The following NBEAL2 variants were observed in gnomAD, a reference collection of about 807,000 sequenced individuals.
The protein encoded by NBEAL2 is neurobeachin like 2.
NBEAL2 carries 160 observed loss-of-function variants against 299.8 expected under a neutral mutation model. The observed-to-expected ratio is 0.53, with a 90% CI of 0.47 to 0.61. NBEAL2 has a LOEUF of 0.61. NBEAL2 is among the 20% of genes least tolerant of loss of function. The pLI, the probability that NBEAL2 is intolerant of heterozygous loss-of-function variation, is 0.00. For synonymous variants in NBEAL2, 1,493 were observed against 1,542.3 expected, an observed-to-expected ratio of 0.97 and a Z score of 0.75; for missense variants, 3,112 against 3,649.0, an observed-to-expected ratio of 0.85 and a Z score of 3.79.
rs2036110805 is a variant in NBEAL2, at chr3:46,991,791, G to GGCT, written c.926-46_926-44dup. 6.4e-7 allele frequency: 1 copy of GGCT among 1,564,196 alleles called. No homozygotes were observed. Among genetic ancestry groups the GGCT allele is most frequent in the East Asian group, 2.4e-5 (1 of 41,856 alleles). ...GGGCAGCATAGGAAGGAAGGCTTAA[G>GGCT]GCTGCCTAGAGGGGTCTGGGCAGGG... is the stretch of plus-strand genomic sequence containing the variant. On this transcript the variant is annotated intron_variant, in intron 8 of 53. Transcript: ENST00000450053. The surrounding 1 kb of genome is among the most constrained non-coding windows in gnomAD (Gnocchi z 6.2).
In NBEAL2 at chr3:46,991,877, A is replaced by C; in HGVS notation, c.963A>C (p.Pro321=). ...IPMMLACEDR[P]VLQATFLSNN... is the part of the protein sequence containing the mutation. ...TGATGCTGGCATGTGAAGACCGGCCAGTGCTGCAAGCCACCTTCCTCAGCA... is the reference window on the plus strand; with the variant it reads ...TGATGCTGGCATGTGAAGACCGGCCCGTGCTGCAAGCCACCTTCCTCAGCA... The change falls in exon 9 of 54, where the codon CCA becomes CCC. Residue 321 remains proline, a synonymous_variant. Transcript: ENST00000450053. The surrounding 1 kb of genome is among the most constrained non-coding windows in gnomAD (Gnocchi z 6.2). 1 of 1,603,210 alleles carries C rather than the reference A, an allele frequency of 6.2e-7. No individual in the cohort carries two copies. The highest frequency in any genetic ancestry group is 1.1e-5 in the South Asian group (1 of 88,822).
At position 46,995,407 on chromosome 3, in the gene NBEAL2, G is replaced by A. The variant is rs373890544; in HGVS notation, c.1672G>A (p.Ala558Thr). ...GGAEAGKARH[A>T]GAVIRTLSGM... Reference sequence around the variant, plus strand: ...AGCTGAGGCTGGAAAGGCCCGACACGCAGGTGCTGTCATCCGCACATTATC... The same window carrying A: ...AGCTGAGGCTGGAAAGGCCCGACACACAGGTGCTGTCATCCGCACATTATC... Residue 558 changes from alanine to threonine, a missense_variant, in exon 13 of 54, where the codon GCA (alanine) becomes ACA (threonine). Ala to Thr is a moderately conservative substitution (Grantham distance 58). Transcript: ENST00000450053. The A allele has an allele frequency of 2.0e-5, 33 of 1,612,776 alleles. No individual in the cohort carries two copies. The highest frequency in any genetic ancestry group is 1.6e-4 in the African/African-American group (12 of 75,072).
At position 46,999,996 on chromosome 3, in the gene NBEAL2, C is replaced by T. The variant is rs371752213; in HGVS notation, c.3897C>T (p.Ala1299=). 3.8e-5 allele frequency: 61 copies of T among 1,612,200 alleles called. No individual in the cohort carries two copies. The highest frequency in any genetic ancestry group is 3.3e-4 in the Admixed American group (20 of 60,016). ...TRLYVLEAAT[A]GSPPPSSPES... ...TATATGTCCTGGAGGCTGCCACAGC[C>T]GGCAGCCCCCCTCCGTCTTCCCCAG... Residue 1299 remains alanine, a synonymous_variant, in exon 27 of 54, where the codon GCC becomes GCT. Coordinates refer to ENST00000450053, the MANE Select transcript of NBEAL2 (RefSeq NM_015175.3).
Position 47,005,174 on chromosome 3 carries a change from G to T in NBEAL2, c.6420-7G>T. The stretch of plus-strand genomic sequence containing the variant: ...GCTTCTGCTGACACGTCCAACTGTG[G>T]CCCCAGGTATGAAAGCTTTGAGGAC... On this transcript the variant is annotated splice_polypyrimidine_tract_variant and splice_region_variant and intron_variant, in intron 39 of 53. Transcript: ENST00000450053. The T allele has an allele frequency of 1.9e-6, 3 of 1,613,842 alleles. No individual in the cohort carries two copies. The highest frequency in any genetic ancestry group is 2.5e-6 in the Non-Finnish European group (3 of 1,179,892).
In NBEAL2 at chr3:47,006,260, A is replaced by G. The variant is rs1422104118; in HGVS notation, c.7015A>G (p.Lys2339Glu). The stretch of plus-strand genomic sequence containing the variant: ...TGGGCAGACTCCCTGTCAGCTGCTG[A>G]AGGTAAGGCCAGCTTAGAGGATAGT... Reference protein sequence around the residue: ...NFGQTPCQLLKEPHPTRLSAE... With the variant: ...NFGQTPCQLLEEPHPTRLSAE... The change falls in exon 44 of 54, where the codon AAG (lysine) becomes GAG (glutamate). Residue 2339 changes from lysine to glutamate, a missense_variant and splice_region_variant. Physicochemically the swap from Lys to Glu is moderately conservative, Grantham distance 56. Around this residue, in one of 3 missense-constraint regions of NBEAL2, gnomAD observed 521 missense variants for 729.6 expected, o/e 0.71. Transcript: ENST00000450053. 5 of 1,613,446 alleles carry G rather than the reference A, an allele frequency of 3.1e-6. No homozygotes were observed. The Admixed American group carries it at 8.3e-5, about 27-fold the overall frequency.
chr3:47,001,051 G>A lies in NBEAL2; in HGVS notation c.4356G>A (p.Ser1452=), dbSNP rs777411262. 56 of 1,612,480 alleles carry A rather than the reference G, an allele frequency of 3.5e-5. No homozygotes were observed. The highest frequency in any genetic ancestry group is 4.4e-5 in the Non-Finnish European group (52 of 1,179,430). ...LCNLLTNVLF[S]VTWRGVEGSD... ...ATCTGCTCACCAACGTGCTGTTCTC[G>A]GTGACGTGGCGTGGCGTGGAAGGCA... is the stretch of plus-strand genomic sequence containing the variant. The change falls in exon 28 of 54, where the codon TCG becomes TCA. Residue 1452 remains serine (S), a synonymous_variant. Coordinates refer to ENST00000450053, the MANE Select transcript of NBEAL2 (RefSeq NM_015175.3). This position sits in a 1 kb window ranked among gnomAD's most constrained non-coding sequence, Gnocchi z 6.1.
chr3:46,995,298 A>G lies in NBEAL2; in HGVS notation c.1563A>G (p.Gln521=). 6.3e-7 allele frequency: 1 copy of G among 1,575,920 alleles called. No individual in the cohort carries two copies. The highest frequency in any genetic ancestry group is 1.1e-5 in the South Asian group (1 of 86,996). ...RCQEQLLALL[Q]ALGRVSIRPM... is the part of the protein sequence containing the mutation. ...AAGAGCAGCTGCTGGCACTGCTACAAGCACTGGGCCGTGTATCAATAAGGC... is the reference window on the plus strand; with the variant it reads ...AAGAGCAGCTGCTGGCACTGCTACAGGCACTGGGCCGTGTATCAATAAGGC... Residue 521 remains glutamine (Q), a synonymous_variant, in exon 13 of 54, where the codon CAA becomes CAG. Coordinates refer to ENST00000450053, the MANE Select transcript of NBEAL2 (RefSeq NM_015175.3).
At position 47,003,693 on chromosome 3, in the gene NBEAL2, C is replaced by T. The variant is rs193253210; in HGVS notation, c.5721-123C>T. Reference sequence around the variant, plus strand: ...GTAGGTTCTGGACCCTAGGCAGCCCCTCCCCATCTCTGGGAGTCATGAGAG... The same window carrying T: ...GTAGGTTCTGGACCCTAGGCAGCCCTTCCCCATCTCTGGGAGTCATGAGAG... On this transcript the variant is annotated intron_variant, in intron 35 of 53. Coordinates refer to ENST00000450053, the MANE Select transcript of NBEAL2 (RefSeq NM_015175.3). The surrounding 1 kb of genome is among the most constrained non-coding windows in gnomAD (Gnocchi z 7.0). 1.2e-3 allele frequency: 1,565 copies of T among 1,298,664 alleles called. 14 individuals carry two copies. Among genetic ancestry groups the T allele is most frequent in the Admixed American group, 8.0e-3 (288 of 36,080 alleles). 80.4% of individuals were successfully genotyped at this position (1,298,664 alleles called of 1,614,324 possible).
At position 47,000,151 on chromosome 3, in the gene NBEAL2, C is replaced by A. The variant is rs1394015531; in HGVS notation, c.4052C>A (p.Pro1351Gln). The change falls in exon 27 of 54, where the codon CCA becomes CAA. Residue 1351 changes from proline to glutamine, a missense_variant. This residue lies in a region of NBEAL2 where 2,243 missense variants were observed against 2,538.1 expected (regional missense o/e 0.88). Coordinates refer to ENST00000450053, the MANE Select transcript of NBEAL2 (RefSeq NM_015175.3). This position sits in a 1 kb window ranked among gnomAD's most constrained non-coding sequence, Gnocchi z 4.5. ...DPDGFYHALS[P>Q]FCTPFDLGLE... ...GATGGCTTTTACCATGCTCTCTCCCCATTCTGCACGCCCTTTGACCTGGGC... is the reference window on the plus strand; with the variant it reads ...GATGGCTTTTACCATGCTCTCTCCCAATTCTGCACGCCCTTTGACCTGGGC... 1 of 1,613,872 alleles carries A rather than the reference C, an allele frequency of 6.2e-7. No homozygotes were observed. The highest frequency in any genetic ancestry group is 1.1e-5 in the South Asian group (1 of 91,090).
In NBEAL2 at chr3:46,988,642, A is replaced by C. The variant is rs556265855; in HGVS notation, c.52-27A>C. On this transcript the variant is annotated intron_variant, in intron 1 of 53. Transcript: ENST00000450053. The surrounding 1 kb of genome is among the most constrained non-coding windows in gnomAD (Gnocchi z 4.4). ...GTTTACTGCATCCCTCCTGCCCCCC[A>C]CCACTGTTCCCCTGTTCTGCCTACA... The C allele has an allele frequency of 3.4e-5, 54 of 1,600,552 alleles. No homozygotes were observed. The South Asian group carries it at 5.8e-4, about 17-fold the overall frequency.
Position 46,996,436 on chromosome 3 carries a change from G to T in NBEAL2, c.2317G>T (p.Val773Leu). Residue 773 changes from valine (V) to leucine (L), a missense_variant, in exon 16 of 54, where the codon GTG becomes TTG. Val to Leu is a conservative substitution (Grantham distance 32). Transcript: ENST00000450053. ...STGLGWGSGL[V>L]APLQEGSIDS... is the part of the protein sequence containing the mutation. ...AGGGCTTGGCTGGGGGTCCGGGCTG[G>T]TGGCCCCCCTGCAGGAGGGCAGCAT... 1 of 1,609,052 alleles carries T rather than the reference G, an allele frequency of 6.2e-7. No individual in the cohort carries two copies. The highest frequency in any genetic ancestry group is 8.5e-7 in the Non-Finnish European group (1 of 1,177,980).
rs115950851 is a variant in NBEAL2 at position 47,007,795 on chromosome 3, T to G, written c.7508-21T>G. 2,969 of 1,611,392 alleles carry G rather than the reference T, an allele frequency of 1.8e-3. 51 individuals are homozygous for G. The African/African-American group carries it at 0.036, about 20-fold the overall frequency. On this transcript the variant is annotated intron_variant, in intron 48 of 53. Transcript: ENST00000450053. ...GGATGTGACTCCTCCGTTCTGCCTG[T>G]ACCCTCCCCTTCCCATGCAGATGTA...
intron 1 of NBEAL2, among the ~76,000 whole-genome samples, chr3:46,984,867 C>A (rs140359912): frequency 6.6e-6 from 1 of 152,094 alleles, no homozygotes; most frequent in Non-Finnish European, 1.5e-5. Flanking sequence ...CAGGCCAGAG[C>A]CCCTGGATCT....
At chr3:46,983,634 T>G (rs1289501371) in intron 1 of NBEAL2, among the ~76,000 whole-genome samples, 1 of 152,072 alleles carries the variant, frequency 6.6e-6, no homozygotes, top group Non-Finnish European at 1.5e-5. Context: ...TTTTTGGGCT[T>G]CAGTTTACCT....
intron 45 of NBEAL2, 135 bp downstream of exon 45, chr3:47,006,584 A>G (rs1160161055): frequency 2.3e-6 from 2 of 881,422 alleles, no homozygotes; most frequent in East Asian, 5.3e-5. Context: ...AATGAGCTAA[A>G]CATGGGAAGA....
Position 46,991,849 on chromosome 3 carries a change from C to G in NBEAL2, c.935C>G (p.Pro312Arg). Reference sequence around the variant, plus strand: ...CTTGACCCTTCCACAGACGCCATCCCCATGATGCTGGCATGTGAAGACCGG... The same window carrying G: ...CTTGACCCTTCCACAGACGCCATCCGCATGATGCTGGCATGTGAAGACCGG... ...TLRVSMLDAI[P>R]MMLACEDRPV... Residue 312 changes from proline to arginine, a missense_variant, in exon 9 of 54, where the codon CCC (proline) becomes CGC (arginine). Pro to Arg is a moderately radical substitution (Grantham distance 103). Coordinates refer to ENST00000450053, the MANE Select transcript of NBEAL2 (RefSeq NM_015175.3). The surrounding 1 kb of genome is among the most constrained non-coding windows in gnomAD (Gnocchi z 6.2). 1 of 1,596,880 alleles carries G rather than the reference C, an allele frequency of 6.3e-7. No homozygotes were observed. The highest frequency in any genetic ancestry group is 8.5e-7 in the Non-Finnish European group (1 of 1,171,872).
At position 47,009,489 on chromosome 3, in the gene NBEAL2, G is replaced by A; in HGVS notation, c.*169G>A. The A allele has an allele frequency of 1.4e-6, 1 of 694,610 alleles. No individual in the cohort carries two copies. Among genetic ancestry groups the A allele is most frequent in the Admixed American group, 2.7e-5 (1 of 37,238 alleles). 43.0% of individuals were successfully genotyped at this position (694,610 alleles called of 1,614,324 possible). Reference sequence around the variant, plus strand: ...CGATGTTACCCCCTCAGGGATTGGCGGGCGGAAGTCCCGCCCCTCGCCGGC... The same window carrying A: ...CGATGTTACCCCCTCAGGGATTGGCAGGCGGAAGTCCCGCCCCTCGCCGGC... On this transcript the variant is annotated 3_prime_UTR_variant, in exon 54 of 54. Coordinates refer to ENST00000450053, the MANE Select transcript of NBEAL2 (RefSeq NM_015175.3).
In NBEAL2 at chr3:47,007,164, A is replaced by G; in HGVS notation, c.7224+9A>G. The G allele has an allele frequency of 1.2e-6, 2 of 1,613,428 alleles. No individual in the cohort carries two copies. Among genetic ancestry groups the G allele is most frequent in the Non-Finnish European group, 1.7e-6 (2 of 1,179,624 alleles). On this transcript the variant is annotated intron_variant, in intron 46 of 53. Transcript: ENST00000450053. The stretch of plus-strand genomic sequence containing the variant: ...GTTCCCCAGACCTGTTGGTAAGTGC[A>G]TTGTGCAGAGCCCCAGCTCAGCTCC...
In NBEAL2 at chr3:46,992,468, C is replaced by T; in HGVS notation, c.1033-7C>T. On this transcript the variant is annotated splice_region_variant and splice_polypyrimidine_tract_variant and intron_variant, in intron 9 of 53. Coordinates refer to ENST00000450053, the MANE Select transcript of NBEAL2 (RefSeq NM_015175.3). The stretch of plus-strand genomic sequence containing the variant: ...CCTCCACCCTGTGCCTCCCCACTTC[C>T]CCACAGCTGTACCTGCAGTCCCGGG... 6.2e-7 allele frequency: 1 copy of T among 1,603,980 alleles called. No individual in the cohort carries two copies. Among genetic ancestry groups the T allele is most frequent in the South Asian group, 1.1e-5 (1 of 89,000 alleles).
Sources: allele counts gnomAD v4.1 joint callset (sites outside exome capture counted in the v4.1 genomes callset), GRCh38; gene constraint gnomAD v4.1.1; regional missense constraint gnomAD v4.1.1; non-coding constraint Gnocchi (gnomAD v3.1); transcripts MANE v1.5; gene names NCBI Gene and HGNC (gene_info 2026-07-23, HGNC 2026-07-21).